Variants in GLIS3 observed in about 807,000 individuals in gnomAD.
GLIS3 encodes zinc finger protein GLIS3.
Under a neutral mutation model 78.6 loss-of-function variants are expected in GLIS3, and 53 were observed. That is an observed-to-expected ratio of 0.67 (90% CI 0.54 to 0.85). The LOEUF (loss-of-function observed/expected upper bound fraction) is 0.85, where lower values mean the gene tolerates loss of function less well. Ranked by LOEUF, GLIS3 falls within the 40% of genes least tolerant of loss-of-function variation. GLIS3 has a pLI of 0.00. For synonymous variants in GLIS3, 684 were observed against 509.9 expected, an observed-to-expected ratio of 1.34 and a Z score of -4.60; for missense variants, 1,703 against 1,231.1, an observed-to-expected ratio of 1.38 and a Z score of -5.74.
At chr9:4,223,795 G>C (rs1258621082) in intron 2 of GLIS3, among the ~76,000 whole-genome samples, 5 of 152,058 alleles carry the variant, frequency 3.3e-5, no homozygotes, top group East Asian at 1.9e-4. Flanking sequence ...TTCTGGTTTT[G>C]AGTACTAAGG....
chr9:4,147,947 C>A (rs1484162967), intron 2 of GLIS3, among the ~76,000 whole-genome samples: 6 of 152,196 alleles, frequency 3.9e-5, no homozygotes, highest in Non-Finnish European at 8.8e-5. Context: ...TCGGCTGTTT[C>A]ATTTTGCACA....
intron 2 of GLIS3, among the ~76,000 whole-genome samples, chr9:4,312,541 T>G (rs1817380699): frequency 6.6e-6 from 1 of 152,214 alleles, no homozygotes; most frequent in African/African-American, 2.4e-5. Context: ...ACATGCCAAT[T>G]TTGCCAATAA....
At chr9:4,031,814 C>G (rs1210581520) in intron 4 of GLIS3, among the ~76,000 whole-genome samples, 2 of 152,286 alleles carry the variant, frequency 1.3e-5, no homozygotes, top group East Asian at 1.9e-4. Flanking sequence ...TCCAATGGTT[C>G]TAGTCCCTCT....
intron 2 of GLIS3, among the ~76,000 whole-genome samples, chr9:4,246,447 C>T (rs1451082301): frequency 6.6e-6 from 1 of 152,186 alleles, no homozygotes; most frequent in Non-Finnish European, 1.5e-5. Flanking sequence ...GATATTTTCA[C>T]AACTCAAGAG....
chr9:4,329,768 G>T (rs1817657137), intron 2 of GLIS3, among the ~76,000 whole-genome samples: 1 of 152,068 alleles, frequency 6.6e-6, no homozygotes, highest in Non-Finnish European at 1.5e-5. Context: ...TAGCAATGGG[G>T]AACTCACAAT....
At chr9:4,475,799 C>T in the GLIS3 span, among the ~76,000 whole-genome samples, 1 of 152,108 alleles carries the variant, frequency 6.6e-6, no homozygotes, top group East Asian at 1.9e-4. Context: ...AAGAATAAAC[C>T]AAACACTAAT....
chr9:4,253,185 C>A (rs145102572), intron 2 of GLIS3, among the ~76,000 whole-genome samples: 1 of 152,200 alleles, frequency 6.6e-6, no homozygotes, highest in East Asian at 1.9e-4. Flanking sequence ...CAGGCAGGAA[C>A]GTTTAAGTCT....
the GLIS3 span, among the ~76,000 whole-genome samples, chr9:4,402,728 GAAGA>G: frequency 6.6e-6 from 1 of 152,178 alleles, no homozygotes; most frequent in Non-Finnish European, 1.5e-5. Flanking sequence ...TGATTAAGCA[GAAGA>G]AAGACTTATT....
chr9:4,181,337 G>C (rs951942086), intron 2 of GLIS3, among the ~76,000 whole-genome samples: 3 of 152,174 alleles, frequency 2.0e-5, no homozygotes, highest in Non-Finnish European at 4.4e-5. Flanking sequence ...ACCCATCCCA[G>C]CCACTTGGCT....
chr9:4,489,053 G>A, the GLIS3 span, among the ~76,000 whole-genome samples: 2 of 152,040 alleles, frequency 1.3e-5, no homozygotes, highest in African/African-American at 2.4e-5. Context: ...ATTTTTAGCA[G>A]AGACGGGGTT....
chr9:3,965,381 A>G (rs1817867294), intron 4 of GLIS3, among the ~76,000 whole-genome samples: 1 of 151,154 alleles, frequency 6.6e-6, no homozygotes, highest in African/African-American at 2.4e-5. Flanking sequence ...TTTAGTAGAG[A>G]GGGGGTTTCA....
the GLIS3 span, among the ~76,000 whole-genome samples, chr9:4,475,469 C>T: frequency 6.6e-6 from 1 of 152,118 alleles, no homozygotes; most frequent in African/African-American, 2.4e-5. Context: ...TTATTTGTAA[C>T]AGCAAAATAC....
intron 2 of GLIS3, among the ~76,000 whole-genome samples, chr9:4,193,474 G>C (rs530784895): frequency 8.5e-5 from 13 of 152,336 alleles, no homozygotes; most frequent in South Asian, 8.3e-4. Flanking sequence ...TGTTATAGAA[G>C]ATGGATAAAA....
At chr9:4,477,144 C>T in the GLIS3 span, among the ~76,000 whole-genome samples, 1 of 151,920 alleles carries the variant, frequency 6.6e-6, no homozygotes, top group Non-Finnish European at 1.5e-5. Context: ...TCACAATAAC[C>T]AAAAGGCGGA....
intron 2 of GLIS3, among the ~76,000 whole-genome samples, chr9:4,241,868 G>A (rs1435027184): frequency 6.6e-6 from 1 of 152,052 alleles, no homozygotes; most frequent in East Asian, 1.9e-4. Context: ...TTTTTATGTA[G>A]AGACGGGGTT....
chr9:4,402,473 A>G, the GLIS3 span, among the ~76,000 whole-genome samples: 1 of 152,242 alleles, frequency 6.6e-6, no homozygotes, highest in Non-Finnish European at 1.5e-5. Flanking sequence ...CACCAAATGA[A>G]CTAAATAAGG....
intron 6 of GLIS3, among the ~76,000 whole-genome samples, chr9:3,919,607 C>G (rs368156985): frequency 4.1e-4 from 62 of 150,554 alleles, no homozygotes; most frequent in African/African-American, 1.4e-3. Context: ...ATATAACAAA[C>G]CTGCACATGT....
intron 2 of GLIS3, among the ~76,000 whole-genome samples, chr9:4,284,387 G>A (rs1038398135): frequency 6.6e-6 from 1 of 152,160 alleles, no homozygotes; most frequent in African/African-American, 2.4e-5. Context: ...AGTCAAGCAT[G>A]CGCTAAAAGG....
intron 2 of GLIS3, among the ~76,000 whole-genome samples, chr9:4,316,318 T>C (rs1817436229): frequency 4.6e-5 from 7 of 152,234 alleles, no homozygotes; most frequent in Admixed American, 4.6e-4. Flanking sequence ...CACAACTTGT[T>C]TTGCATTTAA....
Sources: gnomAD v4.1 joint callset for allele counts (sites outside exome capture counted in the v4.1 genomes callset) on GRCh38, gnomAD v4.1.1 for gene constraint, MANE v1.5 for transcripts, NCBI Gene and HGNC (gene_info 2026-07-23, HGNC 2026-07-21) for gene names.